ECM2: variants seen among roughly 807,000 people sequenced by gnomAD.
ECM2 encodes the protein extracellular matrix protein 2, female organ and adipocyte specific.
A neutral mutation model predicts 67.5 loss-of-function variants in ECM2; 57 were observed. That is an observed-to-expected ratio of 0.84 (90% CI 0.68 to 1.05). The LOEUF is 1.05. Ranked by LOEUF, ECM2 falls within the 50% of genes least tolerant of loss-of-function variation. The pLI is 0.00. For missense variants in ECM2, 741 were observed against 822.8 expected, an observed-to-expected ratio of 0.90 and a Z score of 1.22; for synonymous variants, 258 against 294.5, an observed-to-expected ratio of 0.88 and a Z score of 1.27.
chr9:92,539,223 G>A (rs545145872), upstream of ECM2: 1 of 152,272 alleles, frequency 6.6e-6, no homozygotes, highest in African/African-American at 2.4e-5. Flanking sequence ...TAAAGCATTA[G>A]ACTGTAAATC....
chr9:92,534,351 A>C (rs1849039684), intron 1 of ECM2, among the ~76,000 whole-genome samples: 1 of 152,194 alleles, frequency 6.6e-6, no homozygotes. Flanking sequence ...CATCTGCCAG[A>C]ATCATCTTCC....
Position 92,522,844 on chromosome 9 carries a change from C to T in ECM2, c.23G>A (p.Cys8Tyr). 6 of 1,605,934 alleles carry T rather than the reference C, an allele frequency of 3.7e-6. No homozygotes were observed. The highest frequency in any genetic ancestry group is 5.1e-6 in the Non-Finnish European group (6 of 1,177,734). ...TTGAAAAATGATAAGCAGAAAAAAA[C>T]AAAACAAAACTGCAATCTTCATGTT... is the stretch of plus-strand genomic sequence containing the variant. Reference protein sequence around the residue: MKIAVLFCFFLLIIFQTD... With the variant: MKIAVLFYFFLLIIFQTD... The change falls in exon 2 of 10, where the codon TGT (cysteine) becomes TAT (tyrosine). Residue 8 changes from cysteine to tyrosine, a missense_variant. Coordinates refer to ENST00000344604, the MANE Select transcript of ECM2 (RefSeq NM_001393.4).
the ECM2 span, among the ~76,000 whole-genome samples, chr9:92,557,276 G>T: frequency 1.3e-5 from 2 of 152,140 alleles, no homozygotes; most frequent in Non-Finnish European, 2.9e-5. Context: ...CTTAACTTTG[G>T]ATAACCTGAT....
intron 1 of ECM2, among the ~76,000 whole-genome samples, chr9:92,527,647 T>G (rs1214606629): frequency 6.6e-6 from 1 of 152,132 alleles, no homozygotes; most frequent in African/African-American, 2.4e-5. Flanking sequence ...GAGCATGAGC[T>G]CAGGGTAATG....
intron 9 of ECM2, among the ~76,000 whole-genome samples, chr9:92,498,021 G>A (rs962054743): frequency 1.3e-5 from 2 of 151,964 alleles, no homozygotes; most frequent in African/African-American, 2.4e-5. Flanking sequence ...TGCCAGTGCC[G>A]TGCTACTTGC....
chr9:92,512,438 A>G (rs907538136), intron 4 of ECM2, among the ~76,000 whole-genome samples: 2 of 152,344 alleles, frequency 1.3e-5, no homozygotes, highest in East Asian at 3.9e-4. Context: ...AACATTGTAC[A>G]TTTACAACAA....
chr9:92,550,164 G>T, the ECM2 span, among the ~76,000 whole-genome samples: 2 of 152,186 alleles, frequency 1.3e-5, no homozygotes, highest in South Asian at 4.1e-4. Context: ...TTGGGAGGCT[G>T]AGGCAGGAGG....
chr9:92,555,754 A>G, the ECM2 span, among the ~76,000 whole-genome samples: 1 of 152,066 alleles, frequency 6.6e-6, no homozygotes, highest in Admixed American at 6.5e-5. Flanking sequence ...TTTGTTTCTT[A>G]GTGAAGTTAT....
the ECM2 span, among the ~76,000 whole-genome samples, chr9:92,555,214 ATTTTTTTTTTTTTTTTT>A: frequency 1.3e-4 from 8 of 63,440 alleles, no homozygotes; most frequent in East Asian, 6.1e-4. Context: ...TTTTTTGGAA[ATTTTTTTTTTTTTTTTT>A]TTTTTTTTTT....
chr9:92,515,578 A>G (rs1468438405), intron 3 of ECM2, among the ~76,000 whole-genome samples: 1 of 152,216 alleles, frequency 6.6e-6, no homozygotes, highest in Non-Finnish European at 1.5e-5. Context: ...CCTTTATAAT[A>G]GATACTGTTC....
rs749910227 is a variant in ECM2 at position 92,514,728 on chromosome 9, C to G, written c.957G>C (p.Gly319=). Reference sequence around the variant, plus strand: ...TGATGGTCCTGTAGGACAGAGAGCACCCGCTTGGCAGGCGCAGTGTGCCTC... The same window carrying G: ...TGATGGTCCTGTAGGACAGAGAGCAGCCGCTTGGCAGGCGCAGTGTGCCTC... ...PPRGTLRLPS[G]CSLSYRTISC... is the part of the protein sequence containing the mutation. The change falls in exon 4 of 10, where the codon GGG becomes GGC. Residue 319 remains glycine, a synonymous_variant. Transcript: ENST00000344604. 6.2e-7 allele frequency: 1 copy of G among 1,607,796 alleles called. No individual in the cohort carries two copies. Among genetic ancestry groups the G allele is most frequent in the Non-Finnish European group, 8.5e-7 (1 of 1,174,426 alleles).
chr9:92,522,251 T>C (rs1314337450), intron 2 of ECM2, among the ~76,000 whole-genome samples: 1 of 152,002 alleles, frequency 6.6e-6, no homozygotes, highest in Admixed American at 6.6e-5. Context: ...CACACCCGGC[T>C]AATTTTTTGT....
chr9:92,517,686 C>T lies in ECM2; in HGVS notation c.481+1G>A, dbSNP rs1260323067. The stretch of plus-strand genomic sequence containing the variant: ...TATTTTGCTTAGCTAAATCTCTGTA[C>T]CAGTAGCGGAGCAGACCGGGCAGCA... On this transcript the variant is annotated splice_donor_variant, in intron 3 of 9. Transcript: ENST00000344604. LOFTEE classifies it high-confidence loss of function. The T allele has an allele frequency of 6.2e-7, 1 of 1,614,090 alleles. No individual in the cohort carries two copies. The highest frequency in any genetic ancestry group is 1.1e-5 in the South Asian group (1 of 91,066).
At chr9:92,508,391 A>G (rs1847136303) in intron 6 of ECM2, among the ~76,000 whole-genome samples, 1 of 152,198 alleles carries the variant, frequency 6.6e-6, no homozygotes, top group Non-Finnish European at 1.5e-5. Context: ...ACACTCTGGG[A>G]ATCTAGAAGC....
rs186054207 is a variant in ECM2, at chr9:92,525,313, G to A, written c.-27-2420C>T. ...AGCCTGGGTAACAGAGCGAGACTCT[G>A]TCTCAAAAAAAAAAAAAGAAAAGAA... On this transcript the variant is annotated intron_variant, in intron 1 of 9. Coordinates refer to ENST00000344604, the MANE Select transcript of ECM2 (RefSeq NM_001393.4). Among the ~76,000 whole-genome samples, 95 of 148,674 alleles carry A rather than the reference G, an allele frequency of 6.4e-4. 2 individuals carry two copies. Among genetic ancestry groups the A allele is most frequent in the Admixed American group, 5.8e-3 (86 of 14,944 alleles).
At chr9:92,545,618 G>A in the ECM2 span, among the ~76,000 whole-genome samples, 3 of 152,224 alleles carry the variant, frequency 2.0e-5, no homozygotes, top group African/African-American at 7.2e-5. Flanking sequence ...CCGCCCAAGG[G>A]CTGAGGAGTG....
At chr9:92,545,792 C>T in the ECM2 span, among the ~76,000 whole-genome samples, 6 of 152,186 alleles carry the variant, frequency 3.9e-5, no homozygotes, top group South Asian at 2.1e-4. Context: ...GTCAGCACTC[C>T]GTGTCTAGCT....
At chr9:92,505,483 C>T (rs1371471041) in intron 7 of ECM2, 50 bp downstream of exon 7, 1 of 1,434,648 alleles carries the variant, frequency 7.0e-7, no homozygotes. Context: ...TTGTAGTGTA[C>T]CATATTTCAA....
chr9:92,551,943 A>ATTG, the ECM2 span, among the ~76,000 whole-genome samples: 1 of 107,702 alleles, frequency 9.3e-6, no homozygotes, highest in African/African-American at 3.7e-5. Flanking sequence ...ATATATATAT[A>ATTG]TATATATATG....
Sources: allele counts gnomAD v4.1 joint callset (sites outside exome capture counted in the v4.1 genomes callset), GRCh38; gene constraint gnomAD v4.1.1; transcripts MANE v1.5; gene names NCBI Gene and HGNC (gene_info 2026-07-23, HGNC 2026-07-21).